PRRG4: variants seen among roughly 807,000 people sequenced by gnomAD.
PRRG4 encodes proline rich and Gla domain 4.
In PRRG4, 12 loss-of-function variants were observed where a neutral mutation model predicts 20.0. The ratio of observed to expected loss-of-function variants is 0.60; its 90% confidence interval spans 0.38 to 0.97. The LOEUF (loss-of-function observed/expected upper bound fraction) is 0.97, where lower values mean the gene tolerates loss of function less well. Among genes scored for constraint, PRRG4 ranks in the 50% least tolerant of loss-of-function variants. The probability of loss-of-function intolerance (pLI) is 0.00; values close to 1 mark genes in which losing one functional copy is unlikely to be tolerated. For synonymous variants in PRRG4, 94 were observed against 96.4 expected, an observed-to-expected ratio of 0.98 and a Z score of 0.15; for missense variants, 199 against 265.1, an observed-to-expected ratio of 0.75 and a Z score of 1.73.
chr11:32,850,211 C>A (rs1056790480), intron 5 of PRRG4, among the ~76,000 whole-genome samples: 2 of 152,206 alleles, frequency 1.3e-5, no homozygotes, highest in Admixed American at 1.3e-4. Flanking sequence ...TTAGTGTCCT[C>A]GTGCTTACAC....
At chr11:32,838,792 GT>G in intron 3 of PRRG4, 89 bp from the exon 4 acceptor site, 1 of 920,178 alleles carries the variant, frequency 1.1e-6, no homozygotes, top group Non-Finnish European at 1.8e-6. Context: ...CATGCCAAGA[GT>G]TTACTACCCC....
At chr11:32,838,281 A>G (rs1223784946) in intron 3 of PRRG4, among the ~76,000 whole-genome samples, 1 of 151,422 alleles carries the variant, frequency 6.6e-6, no homozygotes, top group Admixed American at 6.6e-5. Flanking sequence ...TCACGATGAA[A>G]CTCCATCTCT....
intron 5 of PRRG4, among the ~76,000 whole-genome samples, chr11:32,848,921 G>A (rs913639910): frequency 1.7e-4 from 26 of 149,906 alleles, no homozygotes; most frequent in Middle Eastern, 3.5e-3. Context: ...GCAGTGAGCC[G>A]AGATGGCTCC....
At chr11:32,846,310 C>T (rs1565116604) in intron 5 of PRRG4, among the ~76,000 whole-genome samples, 1 of 152,212 alleles carries the variant, frequency 6.6e-6, no homozygotes, top group Admixed American at 6.5e-5. Context: ...GGGCCAAGCC[C>T]TTGACCAGAG....
chr11:32,847,507 G>A (rs72899242), intron 5 of PRRG4, among the ~76,000 whole-genome samples: 30,712 of 152,076 alleles, frequency 0.2, 3,404 homozygotes, highest in East Asian at 0.53. Flanking sequence ...AAGTATTGGC[G>A]AGGATATGGA....
chr11:32,835,956 G>C (rs1851015821), intron 2 of PRRG4, among the ~76,000 whole-genome samples: 1 of 152,008 alleles, frequency 6.6e-6, no homozygotes, highest in Admixed American at 6.6e-5. Flanking sequence ...ACAAAAATTA[G>C]CTGGGCGTGG....
intron 5 of PRRG4, among the ~76,000 whole-genome samples, chr11:32,843,245 G>T (rs1280742161): frequency 6.6e-6 from 1 of 152,048 alleles, no homozygotes; most frequent in African/African-American, 2.4e-5. Flanking sequence ...TGATTATGGA[G>T]GCTGAGGTCT....
At position 32,854,004 on chromosome 11, in the gene PRRG4, C is replaced by T. The variant is rs1307178536; in HGVS notation, c.*477C>T. On this transcript the variant is annotated 3_prime_UTR_variant, in exon 6 of 6. Coordinates refer to ENST00000257836, the MANE Select transcript of PRRG4 (RefSeq NM_024081.6). ...AATAAAGGAAGAATAAGTCCATGTA[C>T]TGTACCACAGAAGTTCTGTCTGCAT... 6.3e-6 allele frequency: 1 copy of T among 158,552 alleles called. No individual in the cohort carries two copies. Among genetic ancestry groups the T allele is most frequent in the Non-Finnish European group, 1.4e-5 (1 of 71,538 alleles). The allele number at this position is 158,552 out of a possible 1,614,324, so 9.8% of individuals were successfully genotyped here.
rs1235991374 is a variant in PRRG4 at position 32,840,957 on chromosome 11, T to C, written c.449+718T>C. On this transcript the variant is annotated intron_variant, in intron 5 of 5. Coordinates refer to ENST00000257836, the MANE Select transcript of PRRG4 (RefSeq NM_024081.6). This position sits in a 1 kb window ranked among gnomAD's most constrained non-coding sequence, Gnocchi z 4.1. ...GCACATTGATAAAGCTTCAGAAAGA[T>C]TCATAAAGGCCATAATTGTTTGCAT... is the stretch of plus-strand genomic sequence containing the variant. 6.6e-6 allele frequency among the ~76,000 whole-genome samples: 1 copy of C among 152,060 alleles called. No homozygotes were observed. Among genetic ancestry groups the C allele is most frequent in the Non-Finnish European group, 1.5e-5 (1 of 68,000 alleles).
Position 32,837,519 on chromosome 11 carries a change from TGA to T in PRRG4, c.267+699_267+700del, listed in dbSNP as rs1565113734. On this transcript the variant is annotated intron_variant, in intron 3 of 5. Transcript: ENST00000257836. ...TGTTAACTAACTGAGATGATGATGATGATGATGATGATGATGATGATGATTAT... is the reference window on the plus strand; with the variant it reads ...TGTTAACTAACTGAGATGATGATGATTGATGATGATGATGATGATGATTAT... 1.0e-2 allele frequency among the ~76,000 whole-genome samples: 1,054 copies of T among 105,510 alleles called. 15 individuals are homozygous for T. The highest frequency in any genetic ancestry group is 0.037 in the African/African-American group (986 of 26,422). 69.2% of individuals were successfully genotyped at this position (105,510 alleles called of 152,430 possible).
At position 32,830,204 on chromosome 11, in the gene PRRG4, G is replaced by A. The variant is rs1049934417; in HGVS notation, c.-23+31G>A. ...AGGCCTGGCGGCAGGACCTCGGCGG[G>A]GAGGGGGTTACCTGGAAGGGGCCAC... On this transcript the variant is annotated intron_variant, in intron 1 of 5. Transcript: ENST00000257836. 7 of 1,075,470 alleles carry A rather than the reference G, an allele frequency of 6.5e-6. No homozygotes were observed. In the South Asian group the frequency reaches 2.7e-4, roughly 41 times the overall value. The allele number at this position is 1,075,470 out of a possible 1,614,324, so 66.6% of individuals were successfully genotyped here.
rs779671208 is a variant in PRRG4 at position 32,840,229 on chromosome 11, C to T, written c.439C>T (p.Gln147Ter). ...YLCITKCNRL[Q>*]HPCSSAVYER... ...TTGTATCACTAAGTGTAATAGGCTA[C>T]AACATCCATGGTAAGTACTAAGTGA... Residue 147 changes from glutamine to a stop codon, truncating the protein, a stop_gained, in exon 5 of 6, where the codon CAA becomes TAA. Transcript: ENST00000257836. LOFTEE classifies it low-confidence loss of function (END_TRUNC). This position sits in a 1 kb window ranked among gnomAD's most constrained non-coding sequence, Gnocchi z 4.1. 3.1e-6 allele frequency: 5 copies of T among 1,592,996 alleles called. No homozygotes were observed. The South Asian group carries it at 4.5e-5, about 14-fold the overall frequency.
chr11:32,848,081 G>T (rs1454127207), intron 5 of PRRG4, among the ~76,000 whole-genome samples: 1 of 152,196 alleles, frequency 6.6e-6, no homozygotes, highest in Non-Finnish European at 1.5e-5. Flanking sequence ...TTTATCTCTT[G>T]TAGTTCTGGA....
At chr11:32,853,221 T>C in intron 5 of PRRG4, 75 bp from the exon 6 acceptor site, 1 of 974,876 alleles carries the variant, frequency 1.0e-6, no homozygotes, top group Non-Finnish European at 1.6e-6. Flanking sequence ...AGATAGTTGG[T>C]TGGATTTTTA....
At chr11:32,832,244 C>G (rs974213073) in intron 2 of PRRG4, among the ~76,000 whole-genome samples, 1 of 152,064 alleles carries the variant, frequency 6.6e-6, no homozygotes, top group African/African-American at 2.4e-5. Context: ...CAATCTCTGC[C>G]CTGGAGGACA....
At position 32,838,911 on chromosome 11, in the gene PRRG4, A is replaced by G; in HGVS notation, c.297A>G (p.Lys99=). ...TIAFWQEYSA[K]GPTTKSDGNR... ...CATTTTGGCAGGAATATTCAGCTAA[A>G]GGACCAACCACAAAATCAGGTAAAA... Residue 99 remains lysine, a synonymous_variant, in exon 4 of 6, where the codon AAA becomes AAG. Transcript: ENST00000257836. The G allele has an allele frequency of 4.3e-6, 7 of 1,610,752 alleles. No homozygotes were observed. Among genetic ancestry groups the G allele is most frequent in the Non-Finnish European group, 5.9e-6 (7 of 1,177,002 alleles).
At position 32,853,870 on chromosome 11, in the gene PRRG4, G is replaced by A. The variant is rs1851206657; in HGVS notation, c.*343G>A. 3 of 180,296 alleles carry A rather than the reference G, an allele frequency of 1.7e-5. No individual in the cohort carries two copies. In the Admixed American group the frequency reaches 1.7e-4, roughly 10 times the overall value. 11.2% of individuals were successfully genotyped at this position (180,296 alleles called of 1,614,324 possible). A position where few individuals can be genotyped will look rare whatever the true frequency, so the allele number is the denominator to read the frequency against. ...AGAAAGAAAGAAAAGAAGAAGAAAA[G>A]AGAAGAAGGAGAAGGAGATGAAGGA... On this transcript the variant is annotated 3_prime_UTR_variant, in exon 6 of 6. Coordinates refer to ENST00000257836, the MANE Select transcript of PRRG4 (RefSeq NM_024081.6).
chr11:32,850,028 T>G (rs1473447697), intron 5 of PRRG4, among the ~76,000 whole-genome samples: 2 of 152,234 alleles, frequency 1.3e-5, no homozygotes, highest in Non-Finnish European at 2.9e-5. Context: ...CAGTGTGACT[T>G]TCTCCACAAG....
At chr11:32,833,245 C>T (rs772065467) in intron 2 of PRRG4, among the ~76,000 whole-genome samples, 1 of 152,088 alleles carries the variant, frequency 6.6e-6, no homozygotes, top group Non-Finnish European at 1.5e-5. Context: ...CCCTGGAAGG[C>T]GGATTTAATA....
Sources: gnomAD v4.1 joint callset for allele counts (sites outside exome capture counted in the v4.1 genomes callset) on GRCh38, gnomAD v4.1.1 for gene constraint, Gnocchi (gnomAD v3.1) non-coding constraint, MANE v1.5 for transcripts, NCBI Gene and HGNC (gene_info 2026-07-23, HGNC 2026-07-21) for gene names.